PCDH7: variants seen among roughly 807,000 people sequenced by gnomAD.
PCDH7 encodes protocadherin 7, also known as protocadherin-7.
PCDH7 carries 17 observed loss-of-function variants against 58.9 expected under a neutral mutation model. The observed-to-expected ratio is 0.29, with a 90% CI of 0.20 to 0.43. The LOEUF (loss-of-function observed/expected upper bound fraction) is 0.43. PCDH7 is among the 20% of genes least tolerant of loss of function. The pLI is 1.00. For missense variants in PCDH7, 1,274 were observed against 1,441.0 expected (o/e 0.88, Z 1.88); for synonymous variants, 664 against 616.4 (o/e 1.08, Z -1.14).
At chr4:31,139,139 A>G (rs1433968355) in intron 3 of PCDH7, among the ~76,000 whole-genome samples, 2 of 152,158 alleles carry the variant, frequency 1.3e-5, no homozygotes, top group Non-Finnish European at 2.9e-5. Flanking sequence ...CAAGAACAGG[A>G]TTTGATGGAT....
At chr4:31,026,071 T>C (rs1383390926) in intron 3 of PCDH7, among the ~76,000 whole-genome samples, 1 of 152,222 alleles carries the variant, frequency 6.6e-6, no homozygotes, top group African/African-American at 2.4e-5. Context: ...TACACTGCCA[T>C]TACTGAGAAA....
At chr4:30,886,445 AT>A (rs1438242660) in intron 1 of PCDH7, among the ~76,000 whole-genome samples, 5 of 147,258 alleles carry the variant, frequency 3.4e-5, no homozygotes, top group Non-Finnish European at 7.6e-5. Flanking sequence ...ACCAGTTAGA[AT>A]GGCAATCATT....
intron 1 of PCDH7, among the ~76,000 whole-genome samples, chr4:30,880,602 A>C (rs551858128): frequency 6.6e-6 from 1 of 152,194 alleles, no homozygotes; most frequent in African/African-American, 2.4e-5. Flanking sequence ...ACAAACATAA[A>C]AACAGGAGTT....
At chr4:31,082,507 G>A (rs1355722065) in intron 3 of PCDH7, among the ~76,000 whole-genome samples, 1 of 152,118 alleles carries the variant, frequency 6.6e-6, no homozygotes. Context: ...CCAAAAGTTT[G>A]GATGTCAGGA....
chr4:30,865,155 G>T (rs748621358), intron 1 of PCDH7, among the ~76,000 whole-genome samples: 10 of 152,036 alleles, frequency 6.6e-5, no homozygotes, highest in Non-Finnish European at 1.5e-4. Context: ...TTTTGAAGAG[G>T]AAGGAAGTCA....
intron 1 of PCDH7, among the ~76,000 whole-genome samples, chr4:30,873,946 A>C (rs762944673): frequency 3.1e-4 from 47 of 152,152 alleles, no homozygotes; most frequent in Non-Finnish European, 6.3e-4. Context: ...AAAGCTCTTT[A>C]CAATGTAATG....
exon 2 of PCDH7, chr4:30,731,276 T>G: frequency 1.2e-5 from 4 of 338,942 alleles, no homozygotes; most frequent in Non-Finnish European, 1.7e-5. Context: ...TGAAGGATAA[T>G]ATCTTTTGCT....
At chr4:30,873,460 A>AATACAAATTTAATTTGAGATCTAT (rs141195057) in intron 1 of PCDH7, among the ~76,000 whole-genome samples, 35,675 of 149,366 alleles carry the variant, frequency 0.24, 4,474 homozygotes, top group African/African-American at 0.28. Flanking sequence ...GTTAAAATTT[A>AATACAAATTTAATTTGAGATCTAT]ATACAAATTT....
intron 1 of PCDH7, among the ~76,000 whole-genome samples, chr4:30,746,940 G>C (rs1717857044): frequency 6.6e-6 from 1 of 152,178 alleles, no homozygotes; most frequent in Non-Finnish European, 1.5e-5. Flanking sequence ...TAGGTCATTT[G>C]TGTCACTGGG....
In PCDH7 at chr4:30,986,930, G is replaced by A. The variant is rs577946549; in HGVS notation, c.*7+36715G>A. On this transcript the variant is annotated intron_variant, in intron 3 of 3. Transcript: ENST00000509759. ...TGGGAGGCGGAGGTTGCAGTGAGCCGAGATCACGCCACTGCACTCCAGCCT... is the reference window on the plus strand; with the variant it reads ...TGGGAGGCGGAGGTTGCAGTGAGCCAAGATCACGCCACTGCACTCCAGCCT... Among the ~76,000 whole-genome samples the A allele has an allele frequency of 2.6e-5, 4 of 151,884 alleles. 1 individual carries two copies. The highest frequency in any genetic ancestry group is 2.1e-4 in the South Asian group (1 of 4,784).
At chr4:30,799,577 C>G (rs1725260851) in intron 1 of PCDH7, among the ~76,000 whole-genome samples, 1 of 152,054 alleles carries the variant, frequency 6.6e-6, no homozygotes, top group Admixed American at 6.6e-5. Flanking sequence ...TACTTTCTTA[C>G]AAGTAATTGT....
chr4:31,086,165 G>C (rs192640995), intron 3 of PCDH7, among the ~76,000 whole-genome samples: 149 of 152,202 alleles, frequency 9.8e-4, no homozygotes, highest in African/African-American at 3.5e-3. Context: ...AATAAGATTT[G>C]AGTTCCTCCT....
At chr4:30,903,208 G>T (rs2109396542) in intron 1 of PCDH7, among the ~76,000 whole-genome samples, 1 of 152,062 alleles carries the variant, frequency 6.6e-6, no homozygotes, top group Middle Eastern at 3.4e-3. Flanking sequence ...AAAAGCTTAA[G>T]TTTTTATATA....
At chr4:30,887,034 G>A (rs11931755) in intron 1 of PCDH7, among the ~76,000 whole-genome samples, 12,866 of 148,796 alleles carry the variant, frequency 0.086, 711 homozygotes, top group Non-Finnish European at 0.12. Context: ...AATGCTAGAT[G>A]ACGAGTTAGT....
At chr4:30,924,325 T>C (rs1228160510) in intron 2 of PCDH7, among the ~76,000 whole-genome samples, 1 of 152,198 alleles carries the variant, frequency 6.6e-6, no homozygotes, top group African/African-American at 2.4e-5. Context: ...CTAAGGAAAT[T>C]GATAAATCAA....
chr4:30,800,181 T>C (rs982623195), intron 1 of PCDH7, among the ~76,000 whole-genome samples: 2 of 152,024 alleles, frequency 1.3e-5, no homozygotes, highest in Non-Finnish European at 2.9e-5. Flanking sequence ...TCTACTGATA[T>C]CATAAGTAAA....
At chr4:30,926,161 A>G (rs1322504923) in intron 2 of PCDH7, among the ~76,000 whole-genome samples, 5 of 150,232 alleles carry the variant, frequency 3.3e-5, no homozygotes, top group African/African-American at 1.2e-4. Context: ...ACAATGATAA[A>G]TAGTTGGGAT....
intron 1 of PCDH7, chr4:30,885,165 T>C (rs1737538121): frequency 6.6e-6 from 1 of 152,296 alleles, no homozygotes. Context: ...AGAATGATAT[T>C]TGGACTCATG....
At chr4:31,024,663 A>T (rs1754282574) in intron 3 of PCDH7, among the ~76,000 whole-genome samples, 1 of 152,150 alleles carries the variant, frequency 6.6e-6, no homozygotes, top group Non-Finnish European at 1.5e-5. Context: ...TACTATAGAG[A>T]TATTATTCAG....
Sources: allele counts gnomAD v4.1 joint callset (sites outside exome capture counted in the v4.1 genomes callset), GRCh38; gene constraint gnomAD v4.1.1; transcripts MANE v1.5; gene names NCBI Gene and HGNC (gene_info 2026-07-23, HGNC 2026-07-21).